The following SOX5 variants were observed in gnomAD, a reference collection of about 807,000 sequenced individuals.
The protein encoded by SOX5 is transcription factor SOX-5.
Under a neutral mutation model 92.0 loss-of-function variants are expected in SOX5, and 9 were observed. The ratio of observed to expected loss-of-function variants is 0.10; its 90% CI spans 0.06 to 0.17. SOX5 has a LOEUF of 0.17. Ranked by LOEUF, SOX5 falls within the 10% of genes least tolerant of loss-of-function variation. The probability of loss-of-function intolerance (pLI) is 1.00; values close to 1 mark genes in which losing one functional copy is unlikely to be tolerated. For missense variants in SOX5, 642 were observed against 944.5 expected (o/e 0.68, Z 4.20); for synonymous variants, 344 against 336.3 (o/e 1.02, Z -0.25).
At chr12:23,940,568 C>T (rs919442967) in intron 1 of SOX5, among the ~76,000 whole-genome samples, 44 of 151,194 alleles carry the variant, frequency 2.9e-4, no homozygotes, top group African/African-American at 1.1e-3. Flanking sequence ...CAGATGCATA[C>T]TCTTAAGAGT....
intron 6 of SOX5, among the ~76,000 whole-genome samples, chr12:23,711,621 A>G (rs2092062563): frequency 6.6e-6 from 1 of 152,214 alleles, no homozygotes; most frequent in Admixed American, 6.5e-5. Flanking sequence ...AACTTGATAT[A>G]GCTTATAAAA....
At chr12:23,589,076 C>T (rs1209541653) in intron 9 of SOX5, among the ~76,000 whole-genome samples, 2 of 151,810 alleles carry the variant, frequency 1.3e-5, no homozygotes, top group African/African-American at 4.8e-5. Flanking sequence ...TAGGACATAT[C>T]CCCATCATTA....
At chr12:23,648,586 T>C (rs574773268) in intron 7 of SOX5, among the ~76,000 whole-genome samples, 1 of 152,310 alleles carries the variant, frequency 6.6e-6, no homozygotes, top group East Asian at 1.9e-4. Context: ...ATAGAGTCTG[T>C]CTGGTATGAC....
chr12:24,022,520 G>A (rs535386294), intron 4 of SOX5, among the ~76,000 whole-genome samples: 1 of 152,250 alleles, frequency 6.6e-6, no homozygotes, highest in Admixed American at 6.5e-5. Context: ...GATACAATCA[G>A]AATTGTGTAG....
chr12:24,367,842 TTCTTA>T (rs886581183), intron 2 of SOX5: 1 of 152,156 alleles, frequency 6.6e-6, no homozygotes, highest in African/African-American at 2.4e-5. Flanking sequence ...CAACTTAAAT[TTCTTA>T]TCTTATTTTC....
intron 2 of SOX5, among the ~76,000 whole-genome samples, chr12:24,316,447 C>T (rs117639797): frequency 6.6e-6 from 1 of 152,156 alleles, no homozygotes; most frequent in Non-Finnish European, 1.5e-5. Context: ...CATGACAGCA[C>T]TTTTTCAAAG....
intron 13 of SOX5, among the ~76,000 whole-genome samples, chr12:23,540,483 T>G (rs1046846033): frequency 2.6e-5 from 4 of 151,990 alleles, no homozygotes; most frequent in Admixed American, 2.6e-4. Flanking sequence ...ATGCTCAAAA[T>G]AGGGGAAAAA....
chr12:23,689,246 A>G (rs1395318299), intron 6 of SOX5, among the ~76,000 whole-genome samples: 1 of 152,082 alleles, frequency 6.6e-6, no homozygotes. Flanking sequence ...CTTAGGAGCT[A>G]CTTTCTGATA....
chr12:23,826,194 GC>G (rs1183725653), intron 3 of SOX5, among the ~76,000 whole-genome samples: 1 of 138,806 alleles, frequency 7.2e-6, no homozygotes, highest in Non-Finnish European at 1.5e-5. Flanking sequence ...CCCACAACAG[GC>G]CCCGGTGTGT....
chr12:24,283,196 T>C (rs990326784), intron 2 of SOX5, among the ~76,000 whole-genome samples: 2 of 152,198 alleles, frequency 1.3e-5, no homozygotes, highest in Non-Finnish European at 2.9e-5. Flanking sequence ...TTACCCACAA[T>C]GTTGTAAAAA....
chr12:24,145,668 T>TA (rs764729525), intron 4 of SOX5, among the ~76,000 whole-genome samples: 7 of 152,156 alleles, frequency 4.6e-5, no homozygotes, highest in Non-Finnish European at 8.8e-5. Context: ...GCTGATTTTT[T>TA]ATCTTTTTTG....
intron 11 of SOX5, among the ~76,000 whole-genome samples, chr12:23,558,082 T>C (rs1363397187): frequency 6.6e-6 from 1 of 151,240 alleles, no homozygotes; most frequent in African/African-American, 2.4e-5. Flanking sequence ...ATGAAGGAAA[T>C]ATTTGAGAGC....
At chr12:24,328,583 C>T (rs1461367608) in intron 2 of SOX5, among the ~76,000 whole-genome samples, 1 of 152,162 alleles carries the variant, frequency 6.6e-6, no homozygotes, top group Non-Finnish European at 1.5e-5. Flanking sequence ...ACACATCTCC[C>T]TGTAGTGGAG....
intron 2 of SOX5, among the ~76,000 whole-genome samples, chr12:23,879,987 A>G (rs1312886988): frequency 6.6e-6 from 1 of 152,192 alleles, no homozygotes; most frequent in Non-Finnish European, 1.5e-5. Flanking sequence ...TCATGATAAC[A>G]AAATAACCAG....
intron 1 of SOX5, among the ~76,000 whole-genome samples, chr12:24,506,226 C>T (rs1443012190): frequency 6.6e-6 from 1 of 151,932 alleles, no homozygotes; most frequent in Non-Finnish European, 1.5e-5. Context: ...CATATTATCC[C>T]ACTGCTTGGA....
At chr12:23,546,482 C>G in intron 11 of SOX5, 58 bp from the exon 12 acceptor site, 2 of 987,188 alleles carry the variant, frequency 2.0e-6, no homozygotes, top group Non-Finnish European at 3.1e-6. Context: ...TGAAGACTTT[C>G]TTTTTTTGGG....
intron 4 of SOX5, among the ~76,000 whole-genome samples, chr12:24,208,263 A>G (rs1294998003): frequency 6.6e-6 from 1 of 152,200 alleles, no homozygotes; most frequent in Non-Finnish European, 1.5e-5. Context: ...ATAAGAATTA[A>G]TTAATCCAAG....
At position 23,719,807 on chromosome 12, in the gene SOX5, A is replaced by AAAAAAAAAAAAAAAAAC. The variant is rs1567209060; in HGVS notation, c.810+14876_810+14877insGTTTTTTTTTTTTTTTT. Among the ~76,000 whole-genome samples the AAAAAAAAAAAAAAAAAC allele has an allele frequency of 1.4e-5, 2 of 140,650 alleles. 1 individual carries two copies. The allele number at this position is 140,650 out of a possible 152,430, so 92.3% of individuals were successfully genotyped here. The stretch of plus-strand genomic sequence containing the variant: ...ATTTACCAAAAAAAAAAAAAAAAAA[A>AAAAAAAAAAAAAAAAAC]AAAACTGATGGATAGTTATTTCTGC... On this transcript the variant is annotated intron_variant, in intron 6 of 14. Transcript: ENST00000451604.
chr12:23,974,819 AGT>A (rs1366084182), intron 4 of SOX5, among the ~76,000 whole-genome samples: 3 of 152,190 alleles, frequency 2.0e-5, no homozygotes, highest in Non-Finnish European at 4.4e-5. Context: ...GGTCAAAAAA[AGT>A]GGGGAGAATT....
Sources: allele counts gnomAD v4.1 joint callset (sites outside exome capture counted in the v4.1 genomes callset), GRCh38; gene constraint gnomAD v4.1.1; transcripts MANE v1.5; gene names NCBI Gene and HGNC (gene_info 2026-07-23, HGNC 2026-07-21).